The following CNTN3 variants were observed in gnomAD, a reference collection of about 807,000 sequenced individuals.
The protein encoded by CNTN3 is contactin-3.
Under a neutral mutation model 119.1 loss-of-function variants are expected in CNTN3, and 60 were observed. That is an observed-to-expected ratio of 0.50 (90% CI 0.41 to 0.62). CNTN3 has a LOEUF of 0.62. Ranked by LOEUF, CNTN3 falls within the 20% of genes least tolerant of loss-of-function variation. CNTN3 has a pLI of 0.00. For missense variants in CNTN3, 1,101 were observed against 1,242.4 expected (o/e 0.89, Z 1.71); for synonymous variants, 450 against 438.7 (o/e 1.03, Z -0.32).
In CNTN3 at chr3:74,477,161, C is replaced by A. The variant is rs74899726; in HGVS notation, c.358+9295G>T. Among the ~76,000 whole-genome samples the A allele has an allele frequency of 1.6e-3, 245 of 152,244 alleles. 2 individuals are homozygous for A. The highest frequency in any genetic ancestry group is 5.7e-3 in the African/African-American group (236 of 41,550). ...CAGGTGCTTGACATATATTAGCTCA[C>A]TTAATCCACACACCTACTGAGATAA... On this transcript the variant is annotated intron_variant, in intron 4 of 22. Transcript: ENST00000263665.
chr3:74,560,233 T>C (rs1178347632), intron 1 of CNTN3, among the ~76,000 whole-genome samples: 1 of 152,166 alleles, frequency 6.6e-6, no homozygotes, highest in Non-Finnish European at 1.5e-5. Flanking sequence ...CACACACCTC[T>C]TGAGGATCAG....
At chr3:74,314,716 C>G (rs1257236709) in intron 13 of CNTN3, among the ~76,000 whole-genome samples, 1 of 152,154 alleles carries the variant, frequency 6.6e-6, no homozygotes, top group Non-Finnish European at 1.5e-5. Flanking sequence ...ACTTCAACAC[C>G]TCTCTATCAA....
chr3:74,458,953 C>T (rs1299436838), intron 4 of CNTN3, among the ~76,000 whole-genome samples: 1 of 151,996 alleles, frequency 6.6e-6, no homozygotes, highest in Non-Finnish European at 1.5e-5. Context: ...TGCAGACCAA[C>T]TGCAGATTCT....
chr3:74,316,783 C>T (rs1702840322), intron 13 of CNTN3, among the ~76,000 whole-genome samples: 1 of 152,016 alleles, frequency 6.6e-6, no homozygotes, highest in African/African-American at 2.4e-5. Context: ...AAAAAATTAG[C>T]TGGCCGTGGT....
Position 74,340,917 on chromosome 3 carries a change from G to A in CNTN3, c.1365-4259C>T, listed in dbSNP as rs190607978. On this transcript the variant is annotated intron_variant, in intron 11 of 22. Coordinates refer to ENST00000263665, the MANE Select transcript of CNTN3 (RefSeq NM_020872.3). ...TGCAATGAATTAGTGTAACAGCTAAGTTTCCACTACAAATACAGAAGTGCT... is the reference window on the plus strand; with the variant it reads ...TGCAATGAATTAGTGTAACAGCTAAATTTCCACTACAAATACAGAAGTGCT... Among the ~76,000 whole-genome samples the A allele has an allele frequency of 2.0e-3, 307 of 152,246 alleles. 1 individual carries two copies. The highest frequency in any genetic ancestry group is 3.5e-3 in the Non-Finnish European group (240 of 67,990).
chr3:74,527,960 C>T (rs891878066), intron 1 of CNTN3, among the ~76,000 whole-genome samples: 3 of 151,736 alleles, frequency 2.0e-5, no homozygotes, highest in Admixed American at 6.6e-5. Context: ...ATCTAAGGTG[C>T]TTTTTTGGAA....
rs187574729 is a variant in CNTN3 at position 74,595,444 on chromosome 3, T to C, written c.-81+18947A>G. Among the ~76,000 whole-genome samples, 466 of 152,250 alleles carry C rather than the reference T, an allele frequency of 3.1e-3. 4 individuals carry two copies. The highest frequency in any genetic ancestry group is 0.011 in the African/African-American group (442 of 41,550). On this transcript the variant is annotated intron_variant, in intron 1 of 22. Coordinates refer to ENST00000263665, the MANE Select transcript of CNTN3 (RefSeq NM_020872.3). ...GGTTTTAGGTCTAACATTTAAGTCTTTAATCCATCTTGAATTAATTTTTGT... is the reference window on the plus strand; with the variant it reads ...GGTTTTAGGTCTAACATTTAAGTCTCTAATCCATCTTGAATTAATTTTTGT...
chr3:74,468,378 A>C (rs535827245), intron 4 of CNTN3, among the ~76,000 whole-genome samples: 1 of 152,116 alleles, frequency 6.6e-6, no homozygotes, highest in Admixed American at 6.6e-5. Context: ...GATTTTTTTT[A>C]AATGAAATAC....
chr3:74,522,391 A>G (rs1703555864), intron 1 of CNTN3, among the ~76,000 whole-genome samples: 1 of 151,924 alleles, frequency 6.6e-6, no homozygotes. Flanking sequence ...CAGGTTAACA[A>G]CTTACAGTAG....
chr3:74,330,178 A>C (rs1198919352), intron 13 of CNTN3, among the ~76,000 whole-genome samples: 1 of 152,098 alleles, frequency 6.6e-6, no homozygotes, highest in Non-Finnish European at 1.5e-5. Flanking sequence ...CAGCATGGTG[A>C]AACCCCATCC....
chr3:74,610,230 G>A (rs1413932686), intron 1 of CNTN3, among the ~76,000 whole-genome samples: 1 of 152,030 alleles, frequency 6.6e-6, no homozygotes, highest in African/African-American at 2.4e-5. Flanking sequence ...AGACTAAGGT[G>A]GGAGAATCAC....
intron 4 of CNTN3, among the ~76,000 whole-genome samples, chr3:74,449,792 C>T (rs1702114366): frequency 6.6e-6 from 1 of 152,052 alleles, no homozygotes; most frequent in Admixed American, 6.6e-5. Context: ...GAATGAATAG[C>T]TGAATACTTT....
chr3:74,569,299 G>A (rs1302185612), intron 1 of CNTN3, among the ~76,000 whole-genome samples: 2 of 152,174 alleles, frequency 1.3e-5, no homozygotes, highest in East Asian at 1.9e-4. Context: ...ACCCAAAGCC[G>A]ATGGCTGATT....
chr3:74,298,601 GAA>G (rs397839322), intron 17 of CNTN3, among the ~76,000 whole-genome samples: 43 of 141,532 alleles, frequency 3.0e-4, no homozygotes, highest in African/African-American at 1.1e-3. Flanking sequence ...AGTAAAACTG[GAA>G]AAAAAAAAAA....
intron 5 of CNTN3, among the ~76,000 whole-genome samples, chr3:74,388,477 T>C (rs1266323546): frequency 6.6e-6 from 1 of 152,010 alleles, no homozygotes; most frequent in Non-Finnish European, 1.5e-5. Context: ...TCCATAGCTG[T>C]TAAAAAAAGG....
chr3:74,498,832 G>A (rs565496550), intron 3 of CNTN3, among the ~76,000 whole-genome samples: 9 of 151,896 alleles, frequency 5.9e-5, no homozygotes, highest in East Asian at 3.9e-4. Context: ...ATGAAAGAGC[G>A]TGTTGTTTTA....
At chr3:74,499,901 T>C in intron 2 of CNTN3, 116 bp from the exon 3 acceptor site, 3 of 991,176 alleles carry the variant, frequency 3.0e-6, no homozygotes, top group East Asian at 2.6e-5. Context: ...TCCATTTGCA[T>C]ACAAAGCAAA....
chr3:74,526,017 A>C (rs1358197299), intron 1 of CNTN3, among the ~76,000 whole-genome samples: 3 of 151,890 alleles, frequency 2.0e-5, no homozygotes, highest in Non-Finnish European at 4.4e-5. Flanking sequence ...TTTAGGTGTG[A>C]GAATGATTTG....
At chr3:74,324,981 A>G (rs976893522) in intron 13 of CNTN3, among the ~76,000 whole-genome samples, 5 of 152,352 alleles carry the variant, frequency 3.3e-5, no homozygotes, top group African/African-American at 1.2e-4. Flanking sequence ...GAAGGAGGTA[A>G]CAATCTGATA....
Sources: gnomAD v4.1 joint callset for allele counts (sites outside exome capture counted in the v4.1 genomes callset) on GRCh38, gnomAD v4.1.1 for gene constraint, MANE v1.5 for transcripts, NCBI Gene and HGNC (gene_info 2026-07-23, HGNC 2026-07-21) for gene names.